LRRC36: variants seen among roughly 807,000 people sequenced by gnomAD.
LRRC36 encodes leucine-rich repeat-containing protein 36.
LRRC36 carries 62 observed loss-of-function variants against 81.1 expected under a neutral mutation model. The observed-to-expected ratio is 0.76, with a 90% CI of 0.62 to 0.94. The LOEUF (loss-of-function observed/expected upper bound fraction) is 0.94, where lower values mean the gene tolerates loss of function less well. LRRC36 is among the 40% of genes least tolerant of loss of function. LRRC36 has a pLI of 0.00. For synonymous variants in LRRC36, 334 were observed against 348.6 expected (o/e 0.96, Z 0.47); for missense variants, 761 against 881.7 (o/e 0.86, Z 1.73).
chr16:67,368,890 A>G (rs2039518403), intron 8 of LRRC36, among the ~76,000 whole-genome samples: 4 of 152,170 alleles, frequency 2.6e-5, no homozygotes, highest in African/African-American at 9.6e-5. Flanking sequence ...TGTGGGAGAA[A>G]GAGGGTCAAT....
At chr16:67,339,866 G>A (rs947871770) in intron 1 of LRRC36, among the ~76,000 whole-genome samples, 1 of 152,204 alleles carries the variant, frequency 6.6e-6, no homozygotes, top group African/African-American at 2.4e-5. Context: ...ATGGGGGCCA[G>A]GCACGGTGGC....
chr16:67,328,214 A>G (rs931112194), intron 1 of LRRC36, among the ~76,000 whole-genome samples: 4 of 152,016 alleles, frequency 2.6e-5, no homozygotes, highest in Non-Finnish European at 5.9e-5. Flanking sequence ...TGGGTAATAT[A>G]ATAATTGTAC....
chr16:67,341,335 A>G lies in LRRC36; in HGVS notation c.71-622A>G, dbSNP rs569047319. 5.4e-5 allele frequency among the ~76,000 whole-genome samples: 8 copies of G among 148,352 alleles called. No individual in the cohort carries two copies. The East Asian group carries it at 1.4e-3, about 26-fold the overall frequency. On this transcript the variant is annotated intron_variant, in intron 1 of 13. Coordinates refer to ENST00000329956, the MANE Select transcript of LRRC36 (RefSeq NM_018296.6). ...ACTATAGACTATATATAGTCTATAT[A>G]TATGTTTTGTACATATGCATTAATT... is the stretch of plus-strand genomic sequence containing the variant.
At chr16:67,377,644 CT>C (rs927269111) in intron 11 of LRRC36, among the ~76,000 whole-genome samples, 22 of 146,532 alleles carry the variant, frequency 1.5e-4, no homozygotes, top group African/African-American at 4.8e-4. Flanking sequence ...CTTTTTTCTT[CT>C]TTTTTTTGAG....
intron 11 of LRRC36, among the ~76,000 whole-genome samples, chr16:67,378,112 T>G (rs975654669): frequency 6.6e-6 from 1 of 152,222 alleles, no homozygotes; most frequent in Non-Finnish European, 1.5e-5. Context: ...TTACTGCTTT[T>G]GAGCTGTATT....
At chr16:67,382,384 C>T (rs2040145350) in intron 13 of LRRC36, 137 bp downstream of exon 13, 1 of 607,596 alleles carries the variant, frequency 1.6e-6, no homozygotes. Context: ...TGTATCTGGC[C>T]AGTTAGCTCA....
rs1320773418 is a variant in LRRC36, at chr16:67,345,755, A to AAC, written c.199-489_199-488dup. On this transcript the variant is annotated intron_variant, in intron 2 of 13. Transcript: ENST00000329956. ...GCACTGAGATATGAGAACACAACAC[A>AAC]ACACACACACACATACACACACACA... is the stretch of plus-strand genomic sequence containing the variant. Among the ~76,000 whole-genome samples the AAC allele has an allele frequency of 6.5e-4, 98 of 151,130 alleles. 1 individual carries two copies. The highest frequency in any genetic ancestry group is 9.6e-4 in the Non-Finnish European group (65 of 67,776).
At chr16:67,351,136 C>T (rs1444135538) in intron 5 of LRRC36, among the ~76,000 whole-genome samples, 1 of 152,192 alleles carries the variant, frequency 6.6e-6, no homozygotes, top group African/African-American at 2.4e-5. Flanking sequence ...AAGTTGCATC[C>T]AGTGAATCCT....
In LRRC36 at chr16:67,347,480, G is replaced by A. The variant is rs79636320; in HGVS notation, c.392-15G>A. 5.6e-6 allele frequency: 9 copies of A among 1,612,452 alleles called. No homozygotes were observed. The highest frequency in any genetic ancestry group is 5.0e-5 in the Admixed American group (3 of 59,966). ...AAAAAAAGAAACATGCTCAGACCAC[G>A]GTTTTTGCCTCCAGATGACCGAACT... On this transcript the variant is annotated splice_polypyrimidine_tract_variant and intron_variant, in intron 3 of 13. Transcript: ENST00000329956.
At chr16:67,352,409 C>T (rs2038685880) in intron 5 of LRRC36, among the ~76,000 whole-genome samples, 1 of 152,156 alleles carries the variant, frequency 6.6e-6, no homozygotes, top group Non-Finnish European at 1.5e-5. Flanking sequence ...TCAGTTGTTC[C>T]CAATGGTGTT....
rs2039451328 is a variant in LRRC36 at position 67,367,442 on chromosome 16, T to C, written c.1180T>C (p.Leu394=). The change falls in exon 8 of 14, where the codon TTG becomes CTG. Residue 394 remains leucine (L), a synonymous_variant. Transcript: ENST00000329956. ...CCCTGACTCCAGCACTGGAAGGCTT[T>C]TGAAGCTTAGTTCAGGTAACAGCTT... ...SNPDSSTGRL[L]KLSSDLYATT... 6.2e-7 allele frequency: 1 copy of C among 1,611,522 alleles called. No homozygotes were observed. The highest frequency in any genetic ancestry group is 1.3e-5 in the African/African-American group (1 of 74,742).
intron 1 of LRRC36, among the ~76,000 whole-genome samples, chr16:67,328,376 G>C (rs891407112): frequency 6.6e-6 from 1 of 152,204 alleles, no homozygotes; most frequent in African/African-American, 2.4e-5. Flanking sequence ...AGCGGAGCAT[G>C]GTGGCGGGCG....
chr16:67,335,495 A>C (rs1008391738), intron 1 of LRRC36, among the ~76,000 whole-genome samples: 11 of 152,194 alleles, frequency 7.2e-5, no homozygotes, highest in African/African-American at 2.7e-4. Flanking sequence ...TGCTCTACAA[A>C]CAATTTGTGC....
At chr16:67,340,806 TA>T (rs1478089693) in intron 1 of LRRC36, among the ~76,000 whole-genome samples, 1 of 147,028 alleles carries the variant, frequency 6.8e-6, no homozygotes, top group African/African-American at 2.5e-5. Context: ...ACATATACTC[TA>T]TAGAATATAT....
chr16:67,344,912 A>C (rs990055771), intron 2 of LRRC36, among the ~76,000 whole-genome samples: 1 of 152,342 alleles, frequency 6.6e-6, no homozygotes, highest in African/African-American at 2.4e-5. Context: ...TATTTTATAA[A>C]TACATGATGG....
At chr16:67,381,801 G>A (rs577025453) in intron 12 of LRRC36, among the ~76,000 whole-genome samples, 23 of 152,094 alleles carry the variant, frequency 1.5e-4, no homozygotes, top group Non-Finnish European at 2.5e-4. Flanking sequence ...GTATTTTTAG[G>A]AGAGACGGGG....
At chr16:67,350,776 C>A (rs924921598) in intron 5 of LRRC36, among the ~76,000 whole-genome samples, 3 of 152,188 alleles carry the variant, frequency 2.0e-5, no homozygotes, top group Non-Finnish European at 4.4e-5. Flanking sequence ...CAGTGGCTCA[C>A]GCCTGTAATC....
intron 1 of LRRC36, among the ~76,000 whole-genome samples, chr16:67,334,423 C>T (rs2037657518): frequency 6.6e-6 from 1 of 152,132 alleles, no homozygotes; most frequent in Non-Finnish European, 1.5e-5. Flanking sequence ...CTCCTGGGTT[C>T]AAGTGATTCT....
intron 5 of LRRC36, among the ~76,000 whole-genome samples, chr16:67,362,649 C>T (rs969563145): frequency 1.8e-4 from 28 of 152,144 alleles, no homozygotes; most frequent in Non-Finnish European, 1.5e-5. Flanking sequence ...TCTCTAATAG[C>T]ATTAGTTACA....
Sources: allele counts gnomAD v4.1 joint callset (sites outside exome capture counted in the v4.1 genomes callset), GRCh38; gene constraint gnomAD v4.1.1; transcripts MANE v1.5; gene names NCBI Gene and HGNC (gene_info 2026-07-23, HGNC 2026-07-21).